Variants in PKN2 observed in about 807,000 individuals in gnomAD.
PKN2 encodes serine/threonine-protein kinase N2.
Under a neutral mutation model 119.1 loss-of-function variants are expected in PKN2, and 38 were observed. The observed-to-expected ratio is 0.32, with a 90% CI of 0.25 to 0.42. PKN2 has a LOEUF of 0.42. Ranked by LOEUF, PKN2 falls within the 10% of genes least tolerant of loss-of-function variation. The pLI is 1.00. For synonymous variants in PKN2, 390 were observed against 384.9 expected, an observed-to-expected ratio of 1.01 and a Z score of -0.15; for missense variants, 850 against 1,165.1, an observed-to-expected ratio of 0.73 and a Z score of 3.94.
intron 18 of PKN2, among the ~76,000 whole-genome samples, chr1:88,826,536 A>G (rs1364938368): frequency 6.6e-6 from 1 of 152,102 alleles, no homozygotes; most frequent in Non-Finnish European, 1.5e-5. Context: ...TCACCCAAAT[A>G]ACATACATTG....
intron 15 of PKN2, among the ~76,000 whole-genome samples, chr1:88,809,492 G>A (rs762360579): frequency 3.9e-5 from 6 of 152,048 alleles, no homozygotes; most frequent in Non-Finnish European, 8.8e-5. Context: ...GATTTACGTG[G>A]GCTTCTGCTA....
At position 88,718,260 on chromosome 1, in the gene PKN2, C is replaced by G. The variant is rs565595790; in HGVS notation, c.49-22728C>G. Among the ~76,000 whole-genome samples, 4 of 152,308 alleles carry G rather than the reference C, an allele frequency of 2.6e-5. No individual in the cohort carries two copies. The South Asian group carries it at 8.3e-4, about 32-fold the overall frequency. On this transcript the variant is annotated intron_variant, in intron 1 of 21. Coordinates refer to ENST00000370521, the MANE Select transcript of PKN2 (RefSeq NM_006256.4). Reference sequence around the variant, plus strand: ...TACTAGGAGGTGTCTCCCAGTTAGGCTACTCGGGGGTCAGGGACCCACTTG... The same window carrying G: ...TACTAGGAGGTGTCTCCCAGTTAGGGTACTCGGGGGTCAGGGACCCACTTG...
chr1:88,717,254 A>C (rs1216428913), intron 1 of PKN2, among the ~76,000 whole-genome samples: 1 of 152,228 alleles, frequency 6.6e-6, no homozygotes, highest in East Asian at 1.9e-4. Flanking sequence ...AACCTTGGTG[A>C]ATCTGACAAT....
chr1:88,777,101 C>T (rs1670138594), intron 6 of PKN2, among the ~76,000 whole-genome samples: 1 of 152,004 alleles, frequency 6.6e-6, no homozygotes, highest in African/African-American at 2.4e-5. Flanking sequence ...ATTATTTTTT[C>T]TTTCTGCTCT....
chr1:88,770,017 T>C (rs978467445), intron 3 of PKN2, among the ~76,000 whole-genome samples: 1 of 152,220 alleles, frequency 6.6e-6, no homozygotes, highest in African/African-American at 2.4e-5. Context: ...TGTTTGCCTG[T>C]AATAATCATT....
At chr1:88,692,405 A>G (rs988542303) in intron 1 of PKN2, among the ~76,000 whole-genome samples, 1 of 152,192 alleles carries the variant, frequency 6.6e-6, no homozygotes, top group African/African-American at 2.4e-5. Context: ...GCTGCCTCAC[A>G]GGGTAGGTGA....
At chr1:88,792,849 G>T (rs1178213961) in intron 8 of PKN2, among the ~76,000 whole-genome samples, 1 of 152,036 alleles carries the variant, frequency 6.6e-6, no homozygotes, top group Non-Finnish European at 1.5e-5. Flanking sequence ...CCCCTTCTTG[G>T]GAGCGCTTCC....
intron 16 of PKN2, among the ~76,000 whole-genome samples, chr1:88,818,659 A>C (rs985141607): frequency 4.6e-5 from 7 of 151,596 alleles, no homozygotes; most frequent in African/African-American, 1.7e-4. Context: ...AAAAAAAAAA[A>C]AAAAGAAAAA....
chr1:88,688,894 T>C (rs1398214457), intron 1 of PKN2, among the ~76,000 whole-genome samples: 1 of 152,258 alleles, frequency 6.6e-6, no homozygotes, highest in African/African-American at 2.4e-5. Flanking sequence ...CTTTGACATA[T>C]GAAATTACGT....
intron 1 of PKN2, among the ~76,000 whole-genome samples, chr1:88,685,590 T>C (rs1057416801): frequency 5.9e-5 from 9 of 152,200 alleles, no homozygotes; most frequent in South Asian, 2.1e-4. Context: ...TAAGCTACCC[T>C]GTCGGGTTTT....
intron 1 of PKN2, among the ~76,000 whole-genome samples, chr1:88,720,667 G>T (rs1335820936): frequency 6.6e-6 from 1 of 152,072 alleles, no homozygotes; most frequent in African/African-American, 2.4e-5. Flanking sequence ...GGAACAGGTG[G>T]TGTTTGGTTA....
At chr1:88,816,310 C>G (rs984700348) in intron 16 of PKN2, among the ~76,000 whole-genome samples, 1 of 151,918 alleles carries the variant, frequency 6.6e-6, no homozygotes, top group Non-Finnish European at 1.5e-5. Flanking sequence ...GCAGTGGCAC[C>G]GTCTTGGCTC....
chr1:88,811,437 T>C (rs1165229380), intron 15 of PKN2, among the ~76,000 whole-genome samples: 1 of 152,200 alleles, frequency 6.6e-6, no homozygotes, highest in African/African-American at 2.4e-5. Flanking sequence ...AGGATAGAAC[T>C]AGTAACTTAG....
intron 1 of PKN2, among the ~76,000 whole-genome samples, chr1:88,718,031 T>G (rs1215745127): frequency 3.3e-5 from 5 of 152,230 alleles, no homozygotes; most frequent in Admixed American, 3.3e-4. Context: ...TGTTTGTTAG[T>G]TTTCCTTCTA....
intron 1 of PKN2, 28 bp from the exon 2 acceptor site, chr1:88,740,960 C>G: frequency 1.3e-6 from 2 of 1,498,080 alleles, no homozygotes; most frequent in Non-Finnish European, 1.8e-6. Flanking sequence ...CCTAAACTCC[C>G]ACATTTGTAT....
chr1:88,802,330 T>TTATAA (rs1671347628), intron 8 of PKN2, among the ~76,000 whole-genome samples: 1 of 148,374 alleles, frequency 6.7e-6, no homozygotes, highest in African/African-American at 2.4e-5. Context: ...AAATTTTAAT[T>TTATAA]TTTTTTTTTT....
chr1:88,802,140 A>C (rs907042735), intron 8 of PKN2, among the ~76,000 whole-genome samples: 5 of 152,190 alleles, frequency 3.3e-5, no homozygotes, highest in African/African-American at 1.2e-4. Flanking sequence ...AGGAGGCTTT[A>C]GAGTAAGGAG....
intron 8 of PKN2, among the ~76,000 whole-genome samples, chr1:88,800,127 C>A (rs1236642032): frequency 2.6e-5 from 4 of 152,090 alleles, no homozygotes; most frequent in African/African-American, 9.7e-5. Flanking sequence ...AGCAGTGGAG[C>A]CCAGCTCTCC....
intron 2 of PKN2, among the ~76,000 whole-genome samples, chr1:88,756,815 A>G (rs946800202): frequency 3.3e-5 from 5 of 152,192 alleles, no homozygotes; most frequent in Non-Finnish European, 7.3e-5. Context: ...TATTTATTGC[A>G]TATTTACTAT....
Sources: allele counts gnomAD v4.1 joint callset (sites outside exome capture counted in the v4.1 genomes callset), GRCh38; gene constraint gnomAD v4.1.1; transcripts MANE v1.5; gene names NCBI Gene and HGNC (gene_info 2026-07-23, HGNC 2026-07-21).